ACER3: variants seen among roughly 807,000 people sequenced by gnomAD.
ACER3 encodes alkaline ceramidase 3.
A neutral mutation model predicts 48.9 loss-of-function variants in ACER3; 16 were observed. That is an observed-to-expected ratio of 0.33 (90% CI 0.22 to 0.50). The LOEUF is 0.50. Among genes scored for constraint, ACER3 ranks in the 20% least tolerant of loss-of-function variants. The probability of loss-of-function intolerance (pLI) is 0.98; values close to 1 mark genes in which losing one functional copy is unlikely to be tolerated. For synonymous variants in ACER3, 109 were observed against 107.8 expected, an observed-to-expected ratio of 1.01 and a Z score of -0.07; for missense variants, 227 against 326.0, an observed-to-expected ratio of 0.70 and a Z score of 2.34.
At chr11:76,903,494 AG>A (rs5792746) in intron 1 of ACER3, among the ~76,000 whole-genome samples, 99,184 of 137,632 alleles carry the variant, frequency 0.72, 35,106 homozygotes, top group Non-Finnish European at 0.74. Flanking sequence ...TTTATGGCCA[AG>A]GGGAATCCCA....
rs1369684882 is a variant in ACER3, at chr11:77,023,412, C to A, written c.*3085C>A. 2.8e-6 allele frequency: 1 copy of A among 361,086 alleles called. No individual in the cohort carries two copies. Among genetic ancestry groups the A allele is most frequent in the East Asian group, 3.8e-5 (1 of 26,364 alleles). 22.4% of individuals were successfully genotyped at this position (361,086 alleles called of 1,614,324 possible). ...TTTAAATGCCTGCAAAAATTAAGTT[C>A]TGTTATAATACCAGCCAATTCTGAA... On this transcript the variant is annotated 3_prime_UTR_variant, in exon 11 of 11. Transcript: ENST00000532485.
chr11:76,909,596 C>T (rs918725066), intron 1 of ACER3, among the ~76,000 whole-genome samples: 7 of 152,110 alleles, frequency 4.6e-5, no homozygotes, highest in African/African-American at 1.7e-4. Context: ...GTTAGAATGG[C>T]AATCATTAAA....
intron 7 of ACER3, among the ~76,000 whole-genome samples, chr11:77,014,447 A>G (rs1465188186): frequency 1.3e-5 from 2 of 152,226 alleles, no homozygotes; most frequent in Non-Finnish European, 2.9e-5. Context: ...GCTTACAACA[A>G]TGCCTGGTAC....
intron 1 of ACER3, among the ~76,000 whole-genome samples, chr11:76,899,445 A>G (rs1459154686): frequency 2.0e-5 from 3 of 152,196 alleles, no homozygotes; most frequent in Non-Finnish European, 4.4e-5. Context: ...AGTTGGAAAC[A>G]TATCCTTTCA....
intron 7 of ACER3, among the ~76,000 whole-genome samples, chr11:77,007,383 G>T (rs911408062): frequency 3.7e-4 from 57 of 152,220 alleles, no homozygotes; most frequent in African/African-American, 1.4e-3. Flanking sequence ...CCTCATTACT[G>T]CCAGGTACTC....
intron 1 of ACER3, among the ~76,000 whole-genome samples, chr11:76,906,144 A>C (rs1946227143): frequency 6.6e-6 from 1 of 152,206 alleles, no homozygotes; most frequent in Admixed American, 6.5e-5. Context: ...TGAAGCAAGG[A>C]TAATATTCCC....
chr11:76,964,149 G>A (rs529194717), intron 3 of ACER3, among the ~76,000 whole-genome samples: 6 of 151,506 alleles, frequency 4.0e-5, no homozygotes, highest in Admixed American at 2.0e-4. Context: ...TTAACAAACC[G>A]CACACCAGGA....
chr11:76,993,903 G>T (rs1948857888), intron 6 of ACER3, among the ~76,000 whole-genome samples: 1 of 152,192 alleles, frequency 6.6e-6, no homozygotes, highest in Admixed American at 6.5e-5. Context: ...CTCCTGCTGT[G>T]CAGCCCAGTT....
At chr11:77,010,341 TTC>T (rs1565226909) in intron 7 of ACER3, among the ~76,000 whole-genome samples, 1 of 151,648 alleles carries the variant, frequency 6.6e-6, no homozygotes, top group Non-Finnish European at 1.5e-5. Flanking sequence ...AAGCAAGACT[TTC>T]TGTCTAATTT....
intron 1 of ACER3, among the ~76,000 whole-genome samples, chr11:76,923,618 C>A (rs573972662): frequency 6.6e-6 from 1 of 152,188 alleles, no homozygotes; most frequent in South Asian, 2.1e-4. Context: ...GAATTTTGTT[C>A]TGGATTTCAG....
At chr11:77,013,271 C>T (rs1187210292) in intron 7 of ACER3, among the ~76,000 whole-genome samples, 3 of 152,016 alleles carry the variant, frequency 2.0e-5, no homozygotes, top group Admixed American at 2.0e-4. Flanking sequence ...TGAACTTCAT[C>T]AAAATTTCAA....
chr11:76,998,874 C>T, intron 7 of ACER3, 53 bp downstream of exon 7: 3 of 1,383,316 alleles, frequency 2.2e-6, no homozygotes, highest in Non-Finnish European at 3.0e-6. Flanking sequence ...AGACCTATAA[C>T]AGTAAATCTA....
intron 2 of ACER3, among the ~76,000 whole-genome samples, chr11:76,948,800 A>G (rs1947554673): frequency 6.6e-6 from 1 of 152,192 alleles, no homozygotes; most frequent in African/African-American, 2.4e-5. Flanking sequence ...AAATCTAATT[A>G]TGTCATCTTT....
chr11:76,973,097 C>A lies in ACER3; in HGVS notation c.268-3192C>A, dbSNP rs1019614438. On this transcript the variant is annotated intron_variant, in intron 3 of 10. Coordinates refer to ENST00000532485, the MANE Select transcript of ACER3 (RefSeq NM_018367.7). ...TTGGAGCCCTATAAGTGAGGCCAGG[C>A]CCATGGAGCAGAGCAGCTGCCCAGG... 2.0e-5 allele frequency among the ~76,000 whole-genome samples: 3 copies of A among 152,196 alleles called. No individual in the cohort carries two copies. In the East Asian group the frequency reaches 5.8e-4, roughly 29 times the overall value.
At chr11:76,950,190 G>A (rs1947605155) in intron 2 of ACER3, among the ~76,000 whole-genome samples, 1 of 151,174 alleles carries the variant, frequency 6.6e-6, no homozygotes, top group Admixed American at 6.6e-5. Context: ...CTCCTAATAT[G>A]CCTTAGAAGT....
intron 6 of ACER3, chr11:76,994,059 A>T (rs770769919): frequency 4.0e-5 from 17 of 420,204 alleles, no homozygotes; most frequent in Non-Finnish European, 7.5e-5. Context: ...CGTTTACAGA[A>T]TCAGTGACTG....
At chr11:76,887,458 A>G (rs1291609469) in intron 1 of ACER3, among the ~76,000 whole-genome samples, 1 of 152,204 alleles carries the variant, frequency 6.6e-6, no homozygotes, top group African/African-American at 2.4e-5. Flanking sequence ...CAAGAAAATG[A>G]TCTTCATAAA....
intron 1 of ACER3, among the ~76,000 whole-genome samples, chr11:76,912,855 C>T (rs181686316): frequency 2.0e-5 from 3 of 152,198 alleles, no homozygotes; most frequent in Admixed American, 6.5e-5. Flanking sequence ...GCAGTGAATC[C>T]ATATGGGTCC....
chr11:76,977,806 T>C (rs886621120), intron 4 of ACER3, among the ~76,000 whole-genome samples: 15 of 152,326 alleles, frequency 9.8e-5, no homozygotes, highest in African/African-American at 3.6e-4. Context: ...GCTCTGGACC[T>C]GGGCATCCCT....
Sources: allele counts gnomAD v4.1 joint callset (sites outside exome capture counted in the v4.1 genomes callset), GRCh38; gene constraint gnomAD v4.1.1; transcripts MANE v1.5; gene names NCBI Gene and HGNC (gene_info 2026-07-23, HGNC 2026-07-21).